ALK: variants seen among roughly 807,000 people sequenced by gnomAD.
ALK encodes ALK receptor tyrosine kinase, also known as ALK tyrosine kinase receptor.
ALK carries 74 observed loss-of-function variants against 163.1 expected under a neutral mutation model. That is an observed-to-expected ratio of 0.45 (90% CI 0.38 to 0.55). The LOEUF (loss-of-function observed/expected upper bound fraction) is 0.55, where lower values mean the gene tolerates loss of function less well. ALK is among the 20% of genes least tolerant of loss of function. The probability of loss-of-function intolerance (pLI) is 0.00; values close to 1 mark genes in which losing one functional copy is unlikely to be tolerated. For synonymous variants in ALK, 960 were observed against 843.2 expected (o/e 1.14, Z -2.40); for missense variants, 2,063 against 2,105.3 (o/e 0.98, Z 0.39).
intron 6 of ALK, among the ~76,000 whole-genome samples, chr2:29,325,416 C>T (rs1025479502): frequency 1.3e-5 from 2 of 152,178 alleles, no homozygotes; most frequent in Non-Finnish European, 2.9e-5. Context: ...AGGAGCTGCT[C>T]CAAACACTTC....
chr2:29,195,612 G>A (rs1022808740), intron 28 of ALK, among the ~76,000 whole-genome samples: 3 of 152,208 alleles, frequency 2.0e-5, no homozygotes, highest in Non-Finnish European at 2.9e-5. Context: ...GCACATGCCT[G>A]TAATCCTGGT....
rs941189613 is a variant in ALK, at chr2:29,287,894, C to T, written c.1817+8994G>A. ...CAGCATGCTTATTTTTAATTTCACA[C>T]GAGCAGGAAATAACATTTCTTTTGT... On this transcript the variant is annotated intron_variant, in intron 9 of 28. Transcript: ENST00000389048. 4.6e-5 allele frequency among the ~76,000 whole-genome samples: 7 copies of T among 152,186 alleles called. No individual in the cohort carries two copies. In the East Asian group the frequency reaches 5.8e-4, roughly 13 times the overall value.
At chr2:29,823,982 G>A (rs116428818) in intron 1 of ALK, among the ~76,000 whole-genome samples, 1,868 of 152,286 alleles carry the variant, frequency 0.012, 45 homozygotes, top group East Asian at 0.11. Context: ...AGGCCTAGGA[G>A]GAAAACATTG....
At chr2:29,376,074 GC>G (rs1668746407) in intron 5 of ALK, among the ~76,000 whole-genome samples, 1 of 151,738 alleles carries the variant, frequency 6.6e-6, no homozygotes. Flanking sequence ...AAAGATGTCA[GC>G]CCCAAGATAA....
At chr2:29,304,031 A>G (rs1262500205) in intron 8 of ALK, among the ~76,000 whole-genome samples, 2 of 152,100 alleles carry the variant, frequency 1.3e-5, no homozygotes, top group Non-Finnish European at 1.5e-5. Flanking sequence ...TGAATCTAGG[A>G]AAAAAAAGAT....
chr2:29,757,170 G>T (rs575435403), intron 1 of ALK, among the ~76,000 whole-genome samples: 7 of 152,300 alleles, frequency 4.6e-5, no homozygotes, highest in Admixed American at 2.0e-4. Flanking sequence ...TCCAGGAATG[G>T]CCAGAAGACC....
chr2:29,459,001 G>A (rs1671023324), intron 4 of ALK, among the ~76,000 whole-genome samples: 1 of 152,096 alleles, frequency 6.6e-6, no homozygotes, highest in South Asian at 2.1e-4. Flanking sequence ...GGTCACTTGG[G>A]AAATGTTTCA....
At chr2:29,679,886 C>T (rs1430240098) in intron 3 of ALK, among the ~76,000 whole-genome samples, 2 of 151,992 alleles carry the variant, frequency 1.3e-5, no homozygotes, top group African/African-American at 4.8e-5. Flanking sequence ...CTGCTGGCAA[C>T]AAATTCTCTG....
chr2:29,316,783 C>G (rs1666846644), intron 8 of ALK, among the ~76,000 whole-genome samples: 1 of 152,096 alleles, frequency 6.6e-6, no homozygotes, highest in Non-Finnish European at 1.5e-5. Context: ...TTTAATGAAT[C>G]TATTTATTTG....
chr2:29,458,064 G>A (rs1356634134), intron 4 of ALK, among the ~76,000 whole-genome samples: 1 of 152,134 alleles, frequency 6.6e-6, no homozygotes, highest in Non-Finnish European at 1.5e-5. Context: ...GACAAATGGA[G>A]ACATGTAATC....
chr2:29,374,969 G>A (rs971185410), intron 5 of ALK, among the ~76,000 whole-genome samples: 8 of 152,186 alleles, frequency 5.3e-5, no homozygotes, highest in African/African-American at 1.9e-4. Context: ...GGCTGATTGA[G>A]TGCCCTGAAG....
chr2:29,610,694 A>G (rs1365780785), intron 3 of ALK, among the ~76,000 whole-genome samples: 1 of 152,186 alleles, frequency 6.6e-6, no homozygotes, highest in Non-Finnish European at 1.5e-5. Context: ...GTCCTGTGAA[A>G]GGAAAAGGTC....
intron 5 of ALK, among the ~76,000 whole-genome samples, chr2:29,366,821 A>G: frequency 6.6e-6 from 1 of 152,374 alleles, no homozygotes; most frequent in East Asian, 1.9e-4. Flanking sequence ...TTTACTCTAA[A>G]TTAGTTAGAT....
At chr2:29,291,742 G>A (rs904161220) in intron 9 of ALK, among the ~76,000 whole-genome samples, 3 of 152,116 alleles carry the variant, frequency 2.0e-5, no homozygotes, top group African/African-American at 4.8e-5. Flanking sequence ...ATTTTTTTAG[G>A]GGTGTGTCTA....
chr2:29,807,076 A>G (rs1255647572), intron 1 of ALK, among the ~76,000 whole-genome samples: 1 of 152,242 alleles, frequency 6.6e-6, no homozygotes, highest in Admixed American at 6.5e-5. Context: ...ATCTGTGCAG[A>G]TTGAAGATGA....
At chr2:29,376,146 T>G (rs1323362481) in intron 5 of ALK, among the ~76,000 whole-genome samples, 8 of 149,962 alleles carry the variant, frequency 5.3e-5, no homozygotes, top group Non-Finnish European at 8.9e-5. Flanking sequence ...ACAGAAACAT[T>G]CCAAGCTTGT....
At chr2:29,910,485 C>T (rs935567866) in intron 1 of ALK, among the ~76,000 whole-genome samples, 2 of 151,880 alleles carry the variant, frequency 1.3e-5, no homozygotes, top group African/African-American at 2.4e-5. Flanking sequence ...TAAAGAGAAC[C>T]AAGAGTCTAT....
intron 11 of ALK, among the ~76,000 whole-genome samples, chr2:29,267,676 C>A (rs1265868171): frequency 6.6e-6 from 1 of 152,144 alleles, no homozygotes; most frequent in Non-Finnish European, 1.5e-5. Flanking sequence ...CAAGAGTTAG[C>A]ATTTTAACCT....
At chr2:29,886,952 C>G (rs900686657) in intron 1 of ALK, among the ~76,000 whole-genome samples, 3 of 152,174 alleles carry the variant, frequency 2.0e-5, no homozygotes, top group African/African-American at 7.2e-5. Context: ...CACTTGAAAT[C>G]AGGAATATTT....
Sources: gnomAD v4.1 joint callset for allele counts (sites outside exome capture counted in the v4.1 genomes callset) on GRCh38, gnomAD v4.1.1 for gene constraint, MANE v1.5 for transcripts, NCBI Gene and HGNC (gene_info 2026-07-23, HGNC 2026-07-21) for gene names.